Variants in MYO3A observed in about 807,000 individuals in gnomAD.
MYO3A encodes the protein myosin IIIA.
In MYO3A, 180 loss-of-function variants were observed where a neutral mutation model predicts 192.7. The observed-to-expected ratio is 0.93, with a 90% confidence interval of 0.83 to 1.06. The LOEUF is 1.06. MYO3A is among the 50% of genes least tolerant of loss of function. The pLI is 0.00. For synonymous variants in MYO3A, 628 were observed against 645.3 expected (o/e 0.97, Z 0.41); for missense variants, 1,896 against 1,905.0 (o/e 1.00, Z 0.09).
At chr10:25,987,543 A>G (rs778730620) in intron 4 of MYO3A, among the ~76,000 whole-genome samples, 1 of 152,210 alleles carries the variant, frequency 6.6e-6, no homozygotes, top group African/African-American at 2.4e-5. Context: ...AAAGTGGGCT[A>G]AAGACATGAG....
chr10:26,059,491 A>T (rs1275970890), intron 10 of MYO3A, among the ~76,000 whole-genome samples: 1 of 152,088 alleles, frequency 6.6e-6, no homozygotes, highest in Non-Finnish European at 1.5e-5. Context: ...ATATTAATTT[A>T]TTTCACCCAT....
intron 4 of MYO3A, among the ~76,000 whole-genome samples, chr10:25,984,109 G>T (rs1839501609): frequency 6.6e-6 from 1 of 152,138 alleles, no homozygotes; most frequent in Admixed American, 6.6e-5. Flanking sequence ...GGTAAAAGGA[G>T]CTCTAAATCT....
chr10:26,116,408 C>T (rs1190333549), intron 17 of MYO3A, among the ~76,000 whole-genome samples: 1 of 152,186 alleles, frequency 6.6e-6, no homozygotes. Context: ...TTTAAACAGA[C>T]ACCAGTATAG....
chr10:26,133,460 C>A (rs1839659032), intron 20 of MYO3A, among the ~76,000 whole-genome samples: 1 of 152,250 alleles, frequency 6.6e-6, no homozygotes, highest in Admixed American at 6.5e-5. Flanking sequence ...CTGTGTTCCT[C>A]ATCCCTGCTA....
chr10:25,942,390 A>G (rs1175588934), intron 2 of MYO3A, among the ~76,000 whole-genome samples: 2 of 152,204 alleles, frequency 1.3e-5, no homozygotes, highest in Non-Finnish European at 2.9e-5. Context: ...ATTGTGAATA[A>G]TACTGCCATT....
chr10:26,188,276 T>G (rs1842958405), intron 31 of MYO3A, among the ~76,000 whole-genome samples: 1 of 152,242 alleles, frequency 6.6e-6, no homozygotes, highest in South Asian at 2.1e-4. Flanking sequence ...GTTTTTTGGC[T>G]GCATAAATGT....
chr10:26,124,763 C>T (rs1373419552), intron 18 of MYO3A, among the ~76,000 whole-genome samples: 1 of 151,940 alleles, frequency 6.6e-6, no homozygotes, highest in African/African-American at 2.4e-5. Flanking sequence ...TTTTAAATTC[C>T]CCATGAAATG....
chr10:26,064,749 G>T (rs1394521829), intron 10 of MYO3A, among the ~76,000 whole-genome samples: 2 of 152,086 alleles, frequency 1.3e-5, no homozygotes, highest in African/African-American at 4.8e-5. Context: ...CATGAGGGCT[G>T]TGAGAAACAG....
intron 31 of MYO3A, among the ~76,000 whole-genome samples, chr10:26,184,721 T>A (rs1842781204): frequency 6.6e-6 from 1 of 152,182 alleles, no homozygotes; most frequent in Non-Finnish European, 1.5e-5. Context: ...ATAAATATCT[T>A]ACCTTCTGGC....
intron 6 of MYO3A, among the ~76,000 whole-genome samples, chr10:26,016,443 A>T (rs1841988466): frequency 1.3e-5 from 2 of 152,216 alleles, no homozygotes; most frequent in African/African-American, 4.8e-5. Flanking sequence ...GGACAGGAAG[A>T]GGGCAGGGAG....
intron 4 of MYO3A, among the ~76,000 whole-genome samples, chr10:25,984,139 A>T (rs145936168): frequency 6.6e-6 from 1 of 152,328 alleles, no homozygotes; most frequent in East Asian, 1.9e-4. Context: ...TCCTCCAAAT[A>T]CAACAAAATA....
Position 26,166,190 on chromosome 10 carries a change from A to T in MYO3A, c.3111+12A>T. On this transcript the variant is annotated intron_variant, in intron 27 of 34. Transcript: ENST00000642920. Reference sequence around the variant, plus strand: ...TTGGAAAAACAAAAGTAATGTTTTCATGTAATTTTCAGGAAAATAAATAAT... The same window carrying T: ...TTGGAAAAACAAAAGTAATGTTTTCTTGTAATTTTCAGGAAAATAAATAAT... The T allele has an allele frequency of 4.4e-6, 7 of 1,575,710 alleles. No homozygotes were observed. Among genetic ancestry groups the T allele is most frequent in the South Asian group, 1.1e-5 (1 of 90,262 alleles).
intron 34 of MYO3A, among the ~76,000 whole-genome samples, chr10:26,205,463 C>CT (rs759042803): frequency 0.033 from 3,237 of 98,546 alleles, 180 homozygotes; most frequent in African/African-American, 0.11. Flanking sequence ...GTGTGCTTGT[C>CT]TTTTTTTTTT....
chr10:26,025,672 A>G (rs781363494), intron 9 of MYO3A, among the ~76,000 whole-genome samples: 2 of 152,142 alleles, frequency 1.3e-5, no homozygotes, highest in Non-Finnish European at 2.9e-5. Flanking sequence ...CTTCTTTTAC[A>G]TATTCAAAGT....
At chr10:26,171,317 G>A (rs1888252) in intron 29 of MYO3A, among the ~76,000 whole-genome samples, 88,542 of 151,840 alleles carry the variant, frequency 0.58, 25,951 homozygotes, top group Middle Eastern at 0.66. Flanking sequence ...TTAACATCAA[G>A]TCTGGCCATA....
intron 30 of MYO3A, among the ~76,000 whole-genome samples, chr10:26,175,937 A>T (rs1404018770): frequency 1.3e-5 from 2 of 152,092 alleles, no homozygotes; most frequent in African/African-American, 4.8e-5. Context: ...TGCGGACACG[A>T]TAGAGGCGGG....
At chr10:26,107,958 A>C (rs1314513076) in intron 17 of MYO3A, among the ~76,000 whole-genome samples, 1 of 152,062 alleles carries the variant, frequency 6.6e-6, no homozygotes, top group African/African-American at 2.4e-5. Flanking sequence ...TTTTAAGAGA[A>C]TACTTGGTTT....
At chr10:26,177,530 G>A (rs1589085470) in intron 31 of MYO3A, among the ~76,000 whole-genome samples, 1 of 152,170 alleles carries the variant, frequency 6.6e-6, no homozygotes, top group Admixed American at 6.5e-5. Flanking sequence ...CACCTAGACT[G>A]TGGAGGTCTG....
Position 26,174,398 on chromosome 10 carries a change from G to A in MYO3A, c.4134G>A (p.Arg1378=), listed in dbSNP as rs192459107. The change falls in exon 30 of 35, where the codon AGG becomes AGA. Residue 1378 remains arginine, a synonymous_variant. Transcript: ENST00000642920. ...KDKMSSFKHQ[R]IVTTPTEVAR... is the part of the protein sequence containing the mutation. ...AGATGTCTTCTTTTAAGCATCAGAG[G>A]ATTGTCACAACACCAACAGAAGTAG... The A allele has an allele frequency of 1.9e-6, 3 of 1,614,140 alleles. No individual in the cohort carries two copies. Among genetic ancestry groups the A allele is most frequent in the Non-Finnish European group, 2.5e-6 (3 of 1,180,032 alleles).
Sources: gnomAD v4.1 joint callset for allele counts (sites outside exome capture counted in the v4.1 genomes callset) on GRCh38, gnomAD v4.1.1 for gene constraint, MANE v1.5 for transcripts, NCBI Gene and HGNC (gene_info 2026-07-23, HGNC 2026-07-21) for gene names.